ARHGEF12: variants seen among roughly 807,000 people sequenced by gnomAD.
ARHGEF12 encodes the protein Rho guanine nucleotide exchange factor 12.
ARHGEF12 carries 66 observed loss-of-function variants against 211.2 expected under a neutral mutation model. The ratio of observed to expected loss-of-function variants is 0.31; its 90% CI spans 0.26 to 0.38. The LOEUF is 0.38. Ranked by LOEUF, ARHGEF12 falls within the 10% of genes least tolerant of loss-of-function variation. The probability of loss-of-function intolerance (pLI) is 1.00; values close to 1 mark genes in which losing one functional copy is unlikely to be tolerated. For missense variants in ARHGEF12, 1,429 were observed against 1,869.5 expected, an observed-to-expected ratio of 0.76 and a Z score of 4.34; for synonymous variants, 592 against 638.4, an observed-to-expected ratio of 0.93 and a Z score of 1.09.
At chr11:120,423,898 AAAATTAATTTTCTTTGTG>A (rs1272671042) in intron 6 of ARHGEF12, among the ~76,000 whole-genome samples, 1 of 152,230 alleles carries the variant, frequency 6.6e-6, no homozygotes, top group African/African-American at 2.4e-5. Context: ...AGCCGGTCTG[AAAATTAATTTTCTTTGTG>A]AAGATTAGAT....
chr11:120,429,886 G>T, intron 10 of ARHGEF12, 55 bp downstream of exon 10: 1 of 1,568,412 alleles, frequency 6.4e-7, no homozygotes, highest in Non-Finnish European at 8.6e-7. Context: ...TTTTCTTCTG[G>T]GAATGTGTCA....
intron 15 of ARHGEF12, among the ~76,000 whole-genome samples, chr11:120,443,957 A>G (rs1025588647): frequency 6.6e-6 from 1 of 152,172 alleles, no homozygotes; most frequent in African/African-American, 2.4e-5. Context: ...AACGGACTTG[A>G]GAGTTCGCTG....
chr11:120,358,905 G>C (rs747378842), intron 1 of ARHGEF12, among the ~76,000 whole-genome samples: 2 of 152,160 alleles, frequency 1.3e-5, no homozygotes, highest in Non-Finnish European at 2.9e-5. Flanking sequence ...AAGGGCTTCA[G>C]GAATCTGAAG....
At chr11:120,386,578 A>C (rs1944034785) in intron 1 of ARHGEF12, among the ~76,000 whole-genome samples, 1 of 152,138 alleles carries the variant, frequency 6.6e-6, no homozygotes, top group Non-Finnish European at 1.5e-5. Flanking sequence ...ACATTATGCT[A>C]GGTTCTTTAG....
intron 1 of ARHGEF12, among the ~76,000 whole-genome samples, chr11:120,342,728 C>T (rs576173308): frequency 6.6e-6 from 1 of 152,206 alleles, no homozygotes; most frequent in South Asian, 2.1e-4. Context: ...GCATGATTAC[C>T]AAATCAACTA....
At position 120,478,400 on chromosome 11, in the gene ARHGEF12, T is replaced by G; in HGVS notation, c.3766+11T>G. ...ATGCACTAAGAAATTGTAAGTTTTATTCATAACTTATTACAGATACTTACT... is the reference window on the plus strand; with the variant it reads ...ATGCACTAAGAAATTGTAAGTTTTAGTCATAACTTATTACAGATACTTACT... On this transcript the variant is annotated intron_variant, in intron 37 of 40. Transcript: ENST00000397843. 1 of 1,607,150 alleles carries G rather than the reference T, an allele frequency of 6.2e-7. No individual in the cohort carries two copies. Among genetic ancestry groups the G allele is most frequent in the Non-Finnish European group, 8.5e-7 (1 of 1,173,758 alleles).
At chr11:120,427,069 G>A (rs1341505310) in intron 7 of ARHGEF12, among the ~76,000 whole-genome samples, 1 of 151,842 alleles carries the variant, frequency 6.6e-6, no homozygotes, top group Non-Finnish European at 1.5e-5. Flanking sequence ...GTAGAGACTG[G>A]GTTTCACCAT....
At chr11:120,339,571 T>C (rs1467836724) in intron 1 of ARHGEF12, among the ~76,000 whole-genome samples, 1 of 152,188 alleles carries the variant, frequency 6.6e-6, no homozygotes, top group East Asian at 1.9e-4. Flanking sequence ...CTGTATGTGG[T>C]ATGGCTTTGT....
At chr11:120,483,122 T>C (rs1464210736) in intron 39 of ARHGEF12, among the ~76,000 whole-genome samples, 1 of 152,198 alleles carries the variant, frequency 6.6e-6, no homozygotes, top group Non-Finnish European at 1.5e-5. Flanking sequence ...AATATATCTT[T>C]ATTTACATAG....
chr11:120,428,368 TTTAC>T (rs777336229), intron 8 of ARHGEF12, 121 bp downstream of exon 8: 5 of 829,794 alleles, frequency 6.0e-6, no homozygotes, highest in Non-Finnish European at 8.4e-6. Flanking sequence ...TAGAAAATGA[TTTAC>T]TAATATAAAA....
chr11:120,448,037 G>GTTATTGACAAA, intron 19 of ARHGEF12, 131 bp downstream of exon 19: 14 of 829,382 alleles, frequency 1.7e-5, no homozygotes, highest in Non-Finnish European at 2.6e-5. Flanking sequence ...CTGGTGGCTT[G>GTTATTGACAAA]TATGTTATTT....
At chr11:120,441,935 G>C (rs1266747111) in intron 14 of ARHGEF12, 118 bp downstream of exon 14, 5 of 967,648 alleles carry the variant, frequency 5.2e-6, no homozygotes, top group Non-Finnish European at 7.8e-6. Flanking sequence ...TATAAAGACA[G>C]ATACAAAAGA....
Position 120,336,917 on chromosome 11 carries a change from C to G in ARHGEF12, c.-327C>G, listed in dbSNP as rs1210259153. 6.9e-6 allele frequency: 3 copies of G among 435,408 alleles called. No individual in the cohort carries two copies. Among genetic ancestry groups the G allele is most frequent in the African/African-American group, 4.1e-5 (2 of 49,178 alleles). 27.0% of individuals were successfully genotyped at this position (435,408 alleles called of 1,614,324 possible). ...CCCGCCCCAGCCCCGGCGGGAGTCC[C>G]GGGTCCCCTTCCCACTGCGCGCGGA... On this transcript the variant is annotated 5_prime_UTR_variant, in exon 1 of 41. Transcript: ENST00000397843.
intron 1 of ARHGEF12, among the ~76,000 whole-genome samples, chr11:120,339,835 C>G (rs1288536014): frequency 6.6e-6 from 1 of 152,200 alleles, no homozygotes; most frequent in African/African-American, 2.4e-5. Flanking sequence ...TTTGGATACT[C>G]AGAACTCTGT....
chr11:120,405,055 C>T (rs1944658020), intron 1 of ARHGEF12, among the ~76,000 whole-genome samples: 1 of 152,106 alleles, frequency 6.6e-6, no homozygotes, highest in South Asian at 2.1e-4. Flanking sequence ...TTCTATGGAT[C>T]AATTTTGGTT....
chr11:120,364,836 T>TTTTTA (rs1943379872), intron 1 of ARHGEF12, among the ~76,000 whole-genome samples: 1 of 151,208 alleles, frequency 6.6e-6, no homozygotes, highest in Non-Finnish European at 1.5e-5. Context: ...TTTTTTTTTT[T>TTTTTA]GAGCCAAGTC....
chr11:120,407,371 G>C (rs1404930032), intron 2 of ARHGEF12, among the ~76,000 whole-genome samples: 1 of 152,144 alleles, frequency 6.6e-6, no homozygotes, highest in Non-Finnish European at 1.5e-5. Context: ...CTTGATCATA[G>C]TATATGTAGA....
chr11:120,416,170 C>T (rs1018447663), intron 4 of ARHGEF12, among the ~76,000 whole-genome samples: 1 of 152,116 alleles, frequency 6.6e-6, no homozygotes, highest in African/African-American at 2.4e-5. Context: ...ATTGACTGTG[C>T]ATGGTGCTGT....
At chr11:120,423,551 T>C (rs1291450088) in intron 6 of ARHGEF12, among the ~76,000 whole-genome samples, 2 of 152,058 alleles carry the variant, frequency 1.3e-5, no homozygotes, top group Non-Finnish European at 2.9e-5. Flanking sequence ...ATTAGGTCAG[T>C]GTGTATCTTT....
Sources: allele counts gnomAD v4.1 joint callset (sites outside exome capture counted in the v4.1 genomes callset), GRCh38; gene constraint gnomAD v4.1.1; transcripts MANE v1.5; gene names NCBI Gene and HGNC (gene_info 2026-07-23, HGNC 2026-07-21).